POC1B: variants seen among roughly 807,000 people sequenced by gnomAD.
POC1B encodes POC1 centriolar protein homolog B.
POC1B carries 44 observed loss-of-function variants against 60.6 expected under a neutral mutation model. That is an observed-to-expected ratio of 0.73 (90% CI 0.57 to 0.93). The LOEUF is 0.93. Among genes scored for constraint, POC1B ranks in the 40% least tolerant of loss-of-function variants. POC1B has a pLI of 0.00. For synonymous variants in POC1B, 180 were observed against 198.9 expected (o/e 0.90, Z 0.80); for missense variants, 555 against 572.3 (o/e 0.97, Z 0.31).
intron 2 of POC1B, among the ~76,000 whole-genome samples, chr12:89,506,728 G>A (rs532819521): frequency 2.0e-5 from 3 of 152,194 alleles, no homozygotes; most frequent in Non-Finnish European, 4.4e-5. Flanking sequence ...ACTAAGCATG[G>A]GGCCCTGTGC....
intron 10 of POC1B, 132 bp from the exon 11 acceptor site, chr12:89,425,511 T>C: frequency 1.7e-6 from 1 of 584,756 alleles, no homozygotes; most frequent in Non-Finnish European, 2.9e-6. Context: ...CTATAATAAG[T>C]TATGGAAATT....
In POC1B at chr12:89,421,177, GA is replaced by G; in HGVS notation, c.1412del (p.Phe471SerfsTer10). On this transcript the variant is annotated frameshift_variant, in exon 12 of 12. Coordinates refer to ENST00000313546, the MANE Select transcript of POC1B (RefSeq NM_172240.3). LOFTEE classifies it high-confidence loss of function. ...TTCAGCTTTTCTGTTGGACAGCACTGAAAAGCTTTTGCTGATTTTCAAGGCA... is the reference window on the plus strand; with the variant it reads ...TTCAGCTTTTCTGTTGGACAGCACTGAAAGCTTTTGCTGATTTTCAAGGCA... Reference protein sequence around the residue: ...KDCLENQQKLFSAVQQKS With the variant: ...KDCLENQQKLXSAVQQKS The G allele has an allele frequency of 1.9e-6, 3 of 1,599,462 alleles. No homozygotes were observed. Among genetic ancestry groups the G allele is most frequent in the Non-Finnish European group, 2.6e-6 (3 of 1,169,010 alleles).
intron 4 of POC1B, among the ~76,000 whole-genome samples, chr12:89,474,482 C>T (rs1883031101): frequency 6.6e-6 from 1 of 152,180 alleles, no homozygotes; most frequent in African/African-American, 2.4e-5. Flanking sequence ...TACCCACATT[C>T]CTTGAGCACA....
rs960961203 is a variant in POC1B, at chr12:89,443,981, T to C, written c.1113+15657A>G. On this transcript the variant is annotated intron_variant, in intron 10 of 11. Coordinates refer to ENST00000313546, the MANE Select transcript of POC1B (RefSeq NM_172240.3). ...TCAGAAAATAACATAAACACTTCTA[T>C]GCAAAGAAACTAGAAAATCTAGAAG... Among the ~76,000 whole-genome samples, 261 of 152,236 alleles carry C rather than the reference T, an allele frequency of 1.7e-3. 6 individuals carry two copies. Among genetic ancestry groups the C allele is most frequent in the Non-Finnish European group, 4.1e-4 (28 of 68,012 alleles).
At chr12:89,438,023 C>A (rs1881344670) in intron 10 of POC1B, among the ~76,000 whole-genome samples, 2 of 150,724 alleles carry the variant, frequency 1.3e-5, no homozygotes, top group African/African-American at 4.9e-5. Flanking sequence ...TGCACTCCAG[C>A]CTGGGCGACA....
In POC1B at chr12:89,525,947, G is replaced by C; in HGVS notation, c.-52C>G. The C allele has an allele frequency of 6.5e-7, 1 of 1,538,374 alleles. No individual in the cohort carries two copies. The highest frequency in any genetic ancestry group is 1.2e-5 in the South Asian group (1 of 82,852). The stretch of plus-strand genomic sequence containing the variant: ...TGTGGGTGGGGGAACCCGGAGAGGG[G>C]AGGGGAGAGGATGGGGAAGGAGAGG... On this transcript the variant is annotated 5_prime_UTR_variant, in exon 1 of 12. Coordinates refer to ENST00000313546, the MANE Select transcript of POC1B (RefSeq NM_172240.3).
At chr12:89,408,603 A>T in the POC1B span, among the ~76,000 whole-genome samples, 2 of 151,162 alleles carry the variant, frequency 1.3e-5, no homozygotes, top group Non-Finnish European at 2.9e-5. Flanking sequence ...CTCCCGCCTC[A>T]GCCTCCCAAG....
At chr12:89,413,863 ATTAT>A in the POC1B span, among the ~76,000 whole-genome samples, 20 of 151,712 alleles carry the variant, frequency 1.3e-4, no homozygotes, top group South Asian at 6.2e-4. Flanking sequence ...ATTTCTGCCA[ATTAT>A]TTATTTGTTT....
chr12:89,503,966 C>T (rs1382950235), intron 2 of POC1B, among the ~76,000 whole-genome samples: 1 of 151,192 alleles, frequency 6.6e-6, no homozygotes, highest in Non-Finnish European at 1.5e-5. Context: ...CGCCCGGCAG[C>T]CGCCCCGTCC....
chr12:89,456,298 G>A (rs1565733039), intron 10 of POC1B, among the ~76,000 whole-genome samples: 1 of 152,182 alleles, frequency 6.6e-6, no homozygotes, highest in Non-Finnish European at 1.5e-5. Flanking sequence ...TAGGATTACA[G>A]GTGTGAGCCA....
intron 2 of POC1B, 77 bp downstream of exon 2, chr12:89,525,043 C>T: frequency 6.3e-7 from 1 of 1,591,940 alleles, no homozygotes; most frequent in Admixed American, 1.7e-5. Context: ...CCTAGGGACC[C>T]TGCCCGGACA....
At chr12:89,467,736 A>C (rs923960953) in intron 7 of POC1B, 51 bp from the exon 8 acceptor site, 2 of 1,403,196 alleles carry the variant, frequency 1.4e-6, no homozygotes, top group Non-Finnish European at 2.0e-6. Flanking sequence ...ATGCTTTCTC[A>C]TGGCCAAGAA....
chr12:89,439,316 G>C (rs1290131259), intron 10 of POC1B, among the ~76,000 whole-genome samples: 1 of 152,100 alleles, frequency 6.6e-6, no homozygotes, highest in African/African-American at 2.4e-5. Flanking sequence ...AGGTCCTAAA[G>C]TAACACAAGC....
chr12:89,442,114 C>T (rs1288648307), intron 10 of POC1B, among the ~76,000 whole-genome samples: 1 of 152,050 alleles, frequency 6.6e-6, no homozygotes, highest in Non-Finnish European at 1.5e-5. Context: ...GTGAAAAGAC[C>T]AAATCTACGT....
intron 4 of POC1B, among the ~76,000 whole-genome samples, chr12:89,482,427 GAAC>G (rs898932491): frequency 5.3e-5 from 8 of 151,848 alleles, no homozygotes; most frequent in Non-Finnish European, 8.8e-5. Flanking sequence ...TATGAAGAAA[GAAC>G]AACAATTTTT....
At position 89,525,181 on chromosome 12, in the gene POC1B, A is replaced by G. The variant is rs752029018; in HGVS notation, c.39T>C (p.Tyr13=). The G allele has an allele frequency of 6.2e-7, 1 of 1,613,308 alleles. No homozygotes were observed. The highest frequency in any genetic ancestry group is 1.1e-5 in the South Asian group (1 of 91,078). Reference sequence around the variant, plus strand: ...TGATCGCAGCTTTGTGGCCTTTGAAATAACGCTCCAGAACGGGGTCCTCCT... The same window carrying G: ...TGATCGCAGCTTTGTGGCCTTTGAAGTAACGCTCCAGAACGGGGTCCTCCT... ...SATEDPVLER[Y]FKGHKAAITS... Residue 13 remains tyrosine, a synonymous_variant, in exon 2 of 12, where the codon TAT becomes TAC. Transcript: ENST00000313546.
intron 4 of POC1B, among the ~76,000 whole-genome samples, chr12:89,485,967 A>G (rs1189277126): frequency 6.6e-6 from 1 of 152,076 alleles, no homozygotes; most frequent in East Asian, 1.9e-4. Context: ...TCCACAATAT[A>G]GTCAAGTCTT....
intron 10 of POC1B, 63 bp from the exon 11 acceptor site, chr12:89,425,442 A>C: frequency 7.5e-7 from 1 of 1,326,554 alleles, no homozygotes; most frequent in Non-Finnish European, 1.0e-6. Flanking sequence ...GATATATATA[A>C]AAGTTTAAAA....
intron 4 of POC1B, among the ~76,000 whole-genome samples, chr12:89,480,967 C>T (rs1315533763): frequency 6.6e-6 from 1 of 151,974 alleles, no homozygotes; most frequent in Non-Finnish European, 1.5e-5. Flanking sequence ...AACTCCTGGC[C>T]TCAAGTGATC....
Sources: allele counts gnomAD v4.1 joint callset (sites outside exome capture counted in the v4.1 genomes callset), GRCh38; gene constraint gnomAD v4.1.1; transcripts MANE v1.5; gene names NCBI Gene and HGNC (gene_info 2026-07-23, HGNC 2026-07-21).